PAPSS1: variants seen among roughly 807,000 people sequenced by gnomAD.
PAPSS1 encodes bifunctional 3'-phosphoadenosine 5'-phosphosulfate synthase 1.
A neutral mutation model predicts 72.0 loss-of-function variants in PAPSS1; 50 were observed. That is an observed-to-expected ratio of 0.69 (90% CI 0.55 to 0.88). The LOEUF is 0.88. Ranked by LOEUF, PAPSS1 falls within the 40% of genes least tolerant of loss-of-function variation. PAPSS1 has a pLI of 0.00. For synonymous variants in PAPSS1, 261 were observed against 263.6 expected, an observed-to-expected ratio of 0.99 and a Z score of 0.09; for missense variants, 657 against 782.2, an observed-to-expected ratio of 0.84 and a Z score of 1.91.
At chr4:107,718,817 C>A (rs981699417) in intron 1 of PAPSS1, among the ~76,000 whole-genome samples, 1 of 152,166 alleles carries the variant, frequency 6.6e-6, no homozygotes, top group East Asian at 1.9e-4. Context: ...GTAAGAGAAG[C>A]GAAACTGAGT....
At chr4:107,711,353 A>G (rs1242843695) in intron 1 of PAPSS1, among the ~76,000 whole-genome samples, 1 of 152,208 alleles carries the variant, frequency 6.6e-6, no homozygotes, top group African/African-American at 2.4e-5. Flanking sequence ...CTCATCAATG[A>G]CACAAGTGGC....
intron 5 of PAPSS1, among the ~76,000 whole-genome samples, chr4:107,669,456 T>C (rs1206961215): frequency 1.3e-5 from 2 of 152,250 alleles, no homozygotes; most frequent in African/African-American, 4.8e-5. Context: ...ATGCTCATTC[T>C]AGTCTATACA....
intron 3 of PAPSS1, among the ~76,000 whole-genome samples, chr4:107,688,059 T>A (rs781276461): frequency 6.6e-6 from 1 of 152,088 alleles, no homozygotes; most frequent in Non-Finnish European, 1.5e-5. Flanking sequence ...TCATACAAAT[T>A]TATCTACATA....
intron 10 of PAPSS1, among the ~76,000 whole-genome samples, chr4:107,639,451 C>A (rs1400138583): frequency 6.6e-6 from 1 of 152,110 alleles, no homozygotes; most frequent in Non-Finnish European, 1.5e-5. Context: ...TTCTACCAGC[C>A]TTTTTGCCGA....
chr4:107,668,992 T>C (rs1031050433), intron 5 of PAPSS1, among the ~76,000 whole-genome samples: 2 of 152,192 alleles, frequency 1.3e-5, no homozygotes, highest in African/African-American at 2.4e-5. Flanking sequence ...TTGGTTATTA[T>C]TCCTTGCTTT....
At chr4:107,712,855 G>C (rs547170765) in intron 1 of PAPSS1, among the ~76,000 whole-genome samples, 10 of 144,622 alleles carry the variant, frequency 6.9e-5, no homozygotes, top group Non-Finnish European at 1.4e-4. Flanking sequence ...CCAGGCGACA[G>C]AGCGAGACTC....
Position 107,614,177 on chromosome 4 carries a change from T to C in PAPSS1, c.*72A>G, listed in dbSNP as rs1408317055. On this transcript the variant is annotated 3_prime_UTR_variant, in exon 12 of 12. Transcript: ENST00000265174. ...TGTCCAGACAGACACCACAAAGAAA[T>C]GCCAACAGAGACTATGTGGTCCCCT... 1 of 1,457,310 alleles carries C rather than the reference T, an allele frequency of 6.9e-7. No individual in the cohort carries two copies. Among genetic ancestry groups the C allele is most frequent in the Non-Finnish European group, 9.4e-7 (1 of 1,062,324 alleles). 90.3% of individuals were successfully genotyped at this position (1,457,310 alleles called of 1,614,324 possible).
chr4:107,637,303 C>T (rs1341226372), intron 10 of PAPSS1, among the ~76,000 whole-genome samples: 1 of 152,160 alleles, frequency 6.6e-6, no homozygotes, highest in Non-Finnish European at 1.5e-5. Flanking sequence ...AAAATACTGT[C>T]TATCACTTAT....
At chr4:107,661,352 C>A (rs11097959) in intron 5 of PAPSS1, among the ~76,000 whole-genome samples, 35,292 of 152,102 alleles carry the variant, frequency 0.23, 4,180 homozygotes, top group East Asian at 0.37. Flanking sequence ...ATATTCACCC[C>A]AATGAGTTGA....
chr4:107,653,154 G>C (rs907241011), intron 9 of PAPSS1, among the ~76,000 whole-genome samples: 3 of 150,800 alleles, frequency 2.0e-5, no homozygotes, highest in Non-Finnish European at 4.4e-5. Context: ...TCTCTCTCAT[G>C]TAAAACACTC....
rs1560574526 is a variant in PAPSS1 at position 107,656,992 on chromosome 4, C to A, written c.799G>T (p.Val267Leu). The change falls in exon 7 of 12, where the codon GTG (valine) becomes TTG (leucine). Residue 267 changes from valine (V) to leucine (L), a missense_variant. Physicochemically the swap from Val to Leu is conservative, Grantham distance 32 (BLOSUM62 1). Coordinates refer to ENST00000265174, the MANE Select transcript of PAPSS1 (RefSeq NM_005443.5). Reference protein sequence around the residue: ...LKINKVDMQWVQVLAEGWATP... With the variant: ...LKINKVDMQWLQVLAEGWATP... Reference sequence around the variant, plus strand: ...GCCCAACCTTCTGCCAAAACCTGCACCCACTGCATATCCACCTAGTAAATT... The same window carrying A: ...GCCCAACCTTCTGCCAAAACCTGCAACCACTGCATATCCACCTAGTAAATT... 3 of 1,612,856 alleles carry A rather than the reference C, an allele frequency of 1.9e-6. No individual in the cohort carries two copies. The highest frequency in any genetic ancestry group is 1.7e-5 in the Admixed American group (1 of 59,998).
chr4:107,694,065 T>C, intron 2 of PAPSS1, 59 bp from the exon 3 acceptor site: 1 of 1,173,704 alleles, frequency 8.5e-7, no homozygotes, highest in Non-Finnish European at 1.2e-6. Context: ...AACTATGTAG[T>C]AATACTTTTT....
At chr4:107,660,190 C>T (rs183775653) in intron 5 of PAPSS1, 118 bp from the exon 6 acceptor site, 23 of 583,298 alleles carry the variant, frequency 3.9e-5, no homozygotes, top group Non-Finnish European at 6.3e-5. Flanking sequence ...TAAAAGAAGG[C>T]TGTGAGTGCT....
chr4:107,680,170 T>C (rs1156244405), intron 5 of PAPSS1, among the ~76,000 whole-genome samples: 1 of 151,850 alleles, frequency 6.6e-6, no homozygotes, highest in Non-Finnish European at 1.5e-5. Context: ...CCAAGAATTT[T>C]CAAAAACTAA....
In PAPSS1 at chr4:107,719,967, G is replaced by T. The variant is rs1225145168; in HGVS notation, c.60+153C>A. 21 of 1,415,566 alleles carry T rather than the reference G, an allele frequency of 1.5e-5. No individual in the cohort carries two copies. The East Asian group carries it at 1.8e-4, about 12-fold the overall frequency. 87.7% of individuals were successfully genotyped at this position (1,415,566 alleles called of 1,614,324 possible). On this transcript the variant is annotated intron_variant, in intron 1 of 11. Coordinates refer to ENST00000265174, the MANE Select transcript of PAPSS1 (RefSeq NM_005443.5). ...GCCCCTCTGCCTCGCAACCACCCAC[G>T]GCCCCAGCCGGGAGGCGCCGCAGCC...
chr4:107,696,613 A>T (rs1325294296), intron 2 of PAPSS1, among the ~76,000 whole-genome samples: 1 of 152,088 alleles, frequency 6.6e-6, no homozygotes, highest in Non-Finnish European at 1.5e-5. Flanking sequence ...GGAAAGCATC[A>T]GGATAAATAG....
chr4:107,643,109 T>A (rs1726594917), intron 10 of PAPSS1, among the ~76,000 whole-genome samples: 1 of 152,010 alleles, frequency 6.6e-6, no homozygotes, highest in Non-Finnish European at 1.5e-5. Flanking sequence ...ACTAATTACA[T>A]AACAATAAAG....
intron 9 of PAPSS1, among the ~76,000 whole-genome samples, chr4:107,652,261 G>A (rs751037100): frequency 5.3e-5 from 8 of 152,162 alleles, no homozygotes; most frequent in Non-Finnish European, 1.2e-4. Context: ...AATTAATTAG[G>A]AGCACAACTG....
At chr4:107,711,260 T>A (rs1336647767) in intron 1 of PAPSS1, among the ~76,000 whole-genome samples, 1 of 152,240 alleles carries the variant, frequency 6.6e-6, no homozygotes, top group African/African-American at 2.4e-5. Flanking sequence ...ACTAAATGAC[T>A]AACAATCCTG....
Sources: gnomAD v4.1 joint callset for allele counts (sites outside exome capture counted in the v4.1 genomes callset) on GRCh38, gnomAD v4.1.1 for gene constraint, MANE v1.5 for transcripts, NCBI Gene and HGNC (gene_info 2026-07-23, HGNC 2026-07-21) for gene names.